Variants in DMD observed in about 807,000 individuals in gnomAD.
The protein encoded by DMD is mutant dystrophin.
In DMD, 63 loss-of-function variants were observed where a neutral mutation model predicts 330.1. The ratio of observed to expected loss-of-function variants is 0.19; its 90% confidence interval spans 0.16 to 0.24. DMD has a LOEUF of 0.24. Ranked by LOEUF, DMD falls within the 10% of genes least tolerant of loss-of-function variation. The probability of loss-of-function intolerance (pLI) is 1.00; values close to 1 mark genes in which losing one functional copy is unlikely to be tolerated. For missense variants in DMD, 3,344 were observed against 2,684.1 expected (o/e 1.25, Z -5.43); for synonymous variants, 1,223 against 959.8 (o/e 1.27, Z -5.07).
intron 37 of DMD, among the ~76,000 whole-genome samples, chrX:32,357,584 G>A (rs766714837): frequency 2.6e-3 from 285 of 108,371 alleles, no homozygotes; most frequent in Non-Finnish European, 4.2e-3. Flanking sequence ...AATAGCTCCC[G>A]AACTTCATGT....
At chrX:32,737,071 TG>T (rs2068604897) in intron 7 of DMD, among the ~76,000 whole-genome samples, 1 of 110,444 alleles carries the variant, frequency 9.1e-6, no homozygotes, top group Non-Finnish European at 1.9e-5. Flanking sequence ...ACAGGAAAAT[TG>T]TTTCATATGT....
At chrX:31,868,043 G>T (rs1212285982) in intron 48 of DMD, among the ~76,000 whole-genome samples, 1 of 111,584 alleles carries the variant, frequency 9.0e-6, no homozygotes, top group Non-Finnish European at 1.9e-5. Flanking sequence ...CCCATAGGAA[G>T]TACTACGACA....
chrX:32,750,739 T>C (rs1321146106), intron 7 of DMD, among the ~76,000 whole-genome samples: 1 of 111,449 alleles, frequency 9.0e-6, no homozygotes, highest in Non-Finnish European at 1.9e-5. Flanking sequence ...ATCTCCACCC[T>C]TCACCTATTT....
At chrX:32,764,265 CTT>C (rs2072691075) in intron 7 of DMD, among the ~76,000 whole-genome samples, 1 of 111,184 alleles carries the variant, frequency 9.0e-6, no homozygotes, top group Non-Finnish European at 1.9e-5. Context: ...TTTTCTAAAA[CTT>C]TACAAGAAAG....
rs1337838716 is a variant in DMD at position 32,297,239 on chromosome X, A to T, written c.6118-9538T>A. On this transcript the variant is annotated intron_variant, in intron 42 of 78. Transcript: ENST00000357033. ...ACCTACCATGAGACAGTCATATTTT[A>T]TTTATTTATTTATTTATTTATTTAT... is the stretch of plus-strand genomic sequence containing the variant. Among the ~76,000 whole-genome samples the T allele has an allele frequency of 2.0e-3, 95 of 47,986 alleles. 1 individual carries two copies. Among genetic ancestry groups the T allele is most frequent in the African/African-American group, 6.1e-3 (92 of 15,142 alleles). 41.7% of individuals were successfully genotyped at this position (47,986 alleles called of 115,157 possible). A position where few individuals can be genotyped will look rare whatever the true frequency, so the allele number is the denominator to read the frequency against.
chrX:32,129,362 C>T (rs1214014373), intron 44 of DMD, among the ~76,000 whole-genome samples: 2 of 110,958 alleles, frequency 1.8e-5, no homozygotes, highest in African/African-American at 6.6e-5. Context: ...AAAATAGTTA[C>T]CAATGCTTGA....
At chrX:32,512,386 T>G (rs1263064857) in intron 18 of DMD, among the ~76,000 whole-genome samples, 1 of 112,455 alleles carries the variant, frequency 8.9e-6, no homozygotes, top group East Asian at 2.8e-4. Context: ...TTCACTCAAA[T>G]GTTTATTCAG....
At chrX:32,862,642 C>A (rs958895957) in intron 2 of DMD, among the ~76,000 whole-genome samples, 2 of 111,597 alleles carry the variant, frequency 1.8e-5, no homozygotes, top group Non-Finnish European at 3.8e-5. Flanking sequence ...TAATGTAATT[C>A]ACAAAGTTAT....
intron 7 of DMD, among the ~76,000 whole-genome samples, chrX:32,742,501 G>A (rs898486921): frequency 1.8e-5 from 2 of 111,162 alleles, no homozygotes; most frequent in African/African-American, 6.5e-5. Context: ...AGAGAAGACC[G>A]GGAGTTAATA....
At chrX:32,072,211 T>C (rs186708694) in intron 44 of DMD, among the ~76,000 whole-genome samples, 2 of 111,587 alleles carry the variant, frequency 1.8e-5, no homozygotes, top group East Asian at 5.6e-4. Context: ...CCACGATATG[T>C]AATATTAAAA....
chrX:32,027,183 C>CACACACACACACACACAG (rs774715155), intron 44 of DMD, among the ~76,000 whole-genome samples: 1 of 97,502 alleles, frequency 1.0e-5, no homozygotes, highest in African/African-American at 3.9e-5. Context: ...CACACACACA[C>CACACACACACACACACAG]AGAGAGAGAG....
At chrX:31,728,295 G>A (rs1329672315) in intron 52 of DMD, among the ~76,000 whole-genome samples, 1 of 112,428 alleles carries the variant, frequency 8.9e-6, no homozygotes, top group African/African-American at 3.2e-5. Context: ...CAAGTGCTGG[G>A]ATTACAGGCG....
chrX:32,762,158 G>GAAAAAAAAAGA (rs1298279710), intron 7 of DMD, among the ~76,000 whole-genome samples: 33 of 88,362 alleles, frequency 3.7e-4, no homozygotes, highest in African/African-American at 1.4e-3. Flanking sequence ...CTCAAAAAAA[G>GAAAAAAAAAGA]AAAAAAAAAG....
intron 1 of DMD, among the ~76,000 whole-genome samples, chrX:33,036,781 GTCTA>G (rs1247064183): frequency 1.0e-4 from 11 of 105,061 alleles, no homozygotes; most frequent in East Asian, 2.9e-4. Flanking sequence ...GTCTGTGTAT[GTCTA>G]TCTAAACATG....
chrX:32,001,337 C>T, intron 44 of DMD, among the ~76,000 whole-genome samples: 1 of 110,973 alleles, frequency 9.0e-6, no homozygotes, highest in Middle Eastern at 4.6e-3. Flanking sequence ...TTTAAAATTT[C>T]ATCCTTGACT....
At chrX:31,523,296 C>G (rs2073000547) in intron 55 of DMD, among the ~76,000 whole-genome samples, 1 of 110,815 alleles carries the variant, frequency 9.0e-6, no homozygotes, top group Non-Finnish European at 1.9e-5. Flanking sequence ...TTTATAAACA[C>G]AAAATACGAC....
At chrX:33,227,712 AAGAGAG>A (rs759143130) in intron 1 of DMD, among the ~76,000 whole-genome samples, 42 of 104,755 alleles carry the variant, frequency 4.0e-4, no homozygotes, top group Non-Finnish European at 6.1e-4. Flanking sequence ...ATAGTTTTTA[AAGAGAG>A]AGAGAGAGAG....
Position 32,671,251 on chromosome X carries a change from A to T in DMD, c.961-26099T>A, listed in dbSNP as rs144250795. Among the ~76,000 whole-genome samples, 383 of 110,821 alleles carry T rather than the reference A, an allele frequency of 3.5e-3. 2 individuals are homozygous for T. The highest frequency in any genetic ancestry group is 0.012 in the African/African-American group (364 of 30,588). The stretch of plus-strand genomic sequence containing the variant: ...AATGTATCTCTCTCCATTATTTAGT[A>T]AATTATGTCAGATTCATAAACATTT... On this transcript the variant is annotated intron_variant, in intron 9 of 78. Coordinates refer to ENST00000357033, the MANE Select transcript of DMD (RefSeq NM_004006.3).
At chrX:32,015,399 G>A (rs1004775930) in intron 44 of DMD, among the ~76,000 whole-genome samples, 3 of 110,805 alleles carry the variant, frequency 2.7e-5, no homozygotes, top group East Asian at 2.9e-4. Context: ...TGTGAGTAGC[G>A]TTCTGAAACT....
Sources: gnomAD v4.1 joint callset for allele counts (sites outside exome capture counted in the v4.1 genomes callset) on GRCh38, gnomAD v4.1.1 for gene constraint, MANE v1.5 for transcripts, NCBI Gene and HGNC (gene_info 2026-07-23, HGNC 2026-07-21) for gene names.